Variants in MTMR3 observed in about 807,000 individuals in gnomAD.
MTMR3 encodes myotubularin related protein 3.
MTMR3 carries 32 observed loss-of-function variants against 132.4 expected under a neutral mutation model. The ratio of observed to expected loss-of-function variants is 0.24; its 90% CI spans 0.18 to 0.32. The LOEUF (loss-of-function observed/expected upper bound fraction) is 0.32. Ranked by LOEUF, MTMR3 falls within the 10% of genes least tolerant of loss-of-function variation. The pLI, the probability that MTMR3 is intolerant of heterozygous loss-of-function variation, is 1.00. For missense variants in MTMR3, 1,216 were observed against 1,489.6 expected, an observed-to-expected ratio of 0.82 and a Z score of 3.02; for synonymous variants, 556 against 550.3, an observed-to-expected ratio of 1.01 and a Z score of -0.14.
At chr22:30,012,177 C>T in intron 12 of MTMR3, 191 bp from the exon 13 acceptor site, 1 of 566,534 alleles carries the variant, frequency 1.8e-6, no homozygotes. Context: ...TAAGGCTCTT[C>T]TCTATTGTAT....
At chr22:29,894,715 T>C (rs2064861072) in intron 1 of MTMR3, among the ~76,000 whole-genome samples, 1 of 152,204 alleles carries the variant, frequency 6.6e-6, no homozygotes, top group African/African-American at 2.4e-5. Flanking sequence ...TCTAAGTTTA[T>C]ATAGCCATCT....
chr22:30,018,201 T>G, intron 16 of MTMR3, 129 bp downstream of exon 16: 2 of 1,071,002 alleles, frequency 1.9e-6, no homozygotes, highest in South Asian at 2.0e-5. Context: ...GTCTCTGCAG[T>G]TTTTTCAGGG....
chr22:29,942,818 AG>A (rs766852527), intron 1 of MTMR3, among the ~76,000 whole-genome samples: 1 of 152,190 alleles, frequency 6.6e-6, no homozygotes, highest in Non-Finnish European at 1.5e-5. Flanking sequence ...TCTTTTTTCA[AG>A]GTGCCCAGAT....
chr22:29,885,007 C>G (rs1451735044), intron 1 of MTMR3, among the ~76,000 whole-genome samples: 7 of 152,170 alleles, frequency 4.6e-5, no homozygotes, highest in Non-Finnish European at 8.8e-5. Flanking sequence ...CAGAGAACTT[C>G]AAGTGACCAG....
At chr22:30,011,732 T>C (rs1279078676) in intron 12 of MTMR3, 1 of 152,346 alleles carries the variant, frequency 6.6e-6, no homozygotes, top group Non-Finnish European at 1.5e-5. Flanking sequence ...AGCCCAGCAA[T>C]ACTGTGTGGC....
intron 5 of MTMR3, chr22:29,986,819 A>ATTACAGGCATGCACCAAAT (rs2066868501): frequency 6.5e-6 from 1 of 154,166 alleles, no homozygotes; most frequent in Admixed American, 6.6e-5. Flanking sequence ...ATGCACCAAA[A>ATTACAGGCATGCACCAAAT]TTACAGGCAT....
At chr22:29,984,804 C>G (rs2066824113) in intron 5 of MTMR3, 1 of 152,134 alleles carries the variant, frequency 6.6e-6, no homozygotes, top group Admixed American at 6.6e-5. Flanking sequence ...TCTTGAAGAT[C>G]CCTGGTGGAG....
chr22:29,909,244 A>G (rs1347714018), intron 1 of MTMR3, among the ~76,000 whole-genome samples: 2 of 152,092 alleles, frequency 1.3e-5, no homozygotes, highest in Non-Finnish European at 1.5e-5. Context: ...AGATTTTTGT[A>G]TAATTTGAGA....
intron 8 of MTMR3, 187 bp from the exon 9 acceptor site, chr22:30,002,693 C>T (rs2067200422): frequency 1.9e-6 from 1 of 517,744 alleles, no homozygotes; most frequent in Non-Finnish European, 3.5e-6. Context: ...AAACAAAACA[C>T]ACTTATGGTA....
rs1178691127 is a variant in MTMR3 at position 30,028,856 on chromosome 22, T to C, written c.*3055T>C. ...TGGAAGGAGAATGTGCCATCTCAGC[T>C]ACCCTCAGTCCGCCAGGCAGCCCAG... On this transcript the variant is annotated 3_prime_UTR_variant, in exon 20 of 20. Coordinates refer to ENST00000401950, the MANE Select transcript of MTMR3 (RefSeq NM_021090.4). 1.3e-5 allele frequency: 2 copies of C among 152,408 alleles called. No individual in the cohort carries two copies. The highest frequency in any genetic ancestry group is 4.8e-5 in the African/African-American group (2 of 41,456). 9.4% of individuals were successfully genotyped at this position (152,408 alleles called of 1,614,324 possible).
At chr22:29,900,246 T>C (rs967864339) in intron 1 of MTMR3, among the ~76,000 whole-genome samples, 3 of 152,206 alleles carry the variant, frequency 2.0e-5, no homozygotes, top group African/African-American at 7.2e-5. Context: ...CAAAACCTCA[T>C]CTTGGCTCTG....
intron 1 of MTMR3, among the ~76,000 whole-genome samples, chr22:29,932,424 T>C (rs1015074408): frequency 1.4e-4 from 22 of 152,338 alleles, no homozygotes; most frequent in African/African-American, 5.3e-4. Flanking sequence ...TGTTCCTTTT[T>C]TTGGTGGAAA....
intron 1 of MTMR3, among the ~76,000 whole-genome samples, chr22:29,919,161 G>C (rs1377600482): frequency 2.0e-5 from 3 of 152,174 alleles, no homozygotes; most frequent in African/African-American, 7.2e-5. Context: ...TTTCTTAGCA[G>C]TCACTGGGTC....
intron 2 of MTMR3, among the ~76,000 whole-genome samples, chr22:29,964,397 A>G (rs1201601873): frequency 1.3e-5 from 2 of 152,176 alleles, no homozygotes; most frequent in Non-Finnish European, 2.9e-5. Context: ...TCTAGTTTTA[A>G]AAGGAACCTT....
rs771501473 is a variant in MTMR3, at chr22:30,020,416, A to G, written c.2757A>G (p.Leu919=). The G allele has an allele frequency of 6.2e-7, 1 of 1,614,100 alleles. No individual in the cohort carries two copies. The highest frequency in any genetic ancestry group is 1.3e-5 in the African/African-American group (1 of 75,006). Residue 919 remains leucine, a synonymous_variant, in exon 17 of 20, where the codon TTA becomes TTG. Transcript: ENST00000401950. The part of the protein sequence containing the change: ...SLTRSPCALP[L]AECKEGLVCN... ...CACGTTCCCCTTGTGCCTTGCCTTT[A>G]GCCGAATGTAAAGAGGGGCTTGTGT... is the stretch of plus-strand genomic sequence containing the variant.
At chr22:29,935,481 A>G (rs1408228957) in intron 1 of MTMR3, among the ~76,000 whole-genome samples, 1 of 152,216 alleles carries the variant, frequency 6.6e-6, no homozygotes, top group African/African-American at 2.4e-5. Context: ...TTCAGTTCTT[A>G]CCTTACACAC....
intron 7 of MTMR3, chr22:29,994,601 A>G (rs1419307238): frequency 1.3e-5 from 2 of 152,210 alleles, no homozygotes; most frequent in Non-Finnish European, 2.9e-5. Flanking sequence ...GCCCCAGTAC[A>G]TGATATCACA....
intron 2 of MTMR3, among the ~76,000 whole-genome samples, chr22:29,970,387 G>A (rs1270382356): frequency 6.6e-6 from 1 of 151,756 alleles, no homozygotes; most frequent in African/African-American, 2.4e-5. Flanking sequence ...AGACTAGAGT[G>A]CAGTGGTGTA....
At chr22:29,901,716 A>G (rs1181906098) in intron 1 of MTMR3, among the ~76,000 whole-genome samples, 1 of 151,844 alleles carries the variant, frequency 6.6e-6, no homozygotes, top group Admixed American at 6.6e-5. Context: ...TTTTGTTTTA[A>G]TTTTTGTTTG....
Sources: allele counts gnomAD v4.1 joint callset (sites outside exome capture counted in the v4.1 genomes callset), GRCh38; gene constraint gnomAD v4.1.1; transcripts MANE v1.5; gene names NCBI Gene and HGNC (gene_info 2026-07-23, HGNC 2026-07-21).